Variants in ADGRA3 observed in about 807,000 individuals in gnomAD.
ADGRA3 encodes the protein adhesion G protein-coupled receptor A3, also known as G-protein coupled receptor 125.
Under a neutral mutation model 119.8 loss-of-function variants are expected in ADGRA3, and 56 were observed. The observed-to-expected ratio is 0.47, with a 90% confidence interval of 0.38 to 0.58. The LOEUF is 0.58. Ranked by LOEUF, ADGRA3 falls within the 20% of genes least tolerant of loss-of-function variation. The pLI is 0.00. For synonymous variants in ADGRA3, 607 were observed against 623.8 expected (o/e 0.97, Z 0.40); for missense variants, 1,516 against 1,649.0 (o/e 0.92, Z 1.40).
In ADGRA3 at chr4:22,494,971, G is replaced by C. The variant is rs551758666; in HGVS notation, c.257+20557C>G. On this transcript the variant is annotated intron_variant, in intron 1 of 18. Transcript: ENST00000334304. Reference sequence around the variant, plus strand: ...CCTGTATATGCATACCTATAATAAAGTTTAACGTATAAATCAGGTACAGTA... The same window carrying C: ...CCTGTATATGCATACCTATAATAAACTTTAACGTATAAATCAGGTACAGTA... 3.3e-5 allele frequency among the ~76,000 whole-genome samples: 5 copies of C among 151,942 alleles called. No homozygotes were observed. In the South Asian group the frequency reaches 1.0e-3, roughly 32 times the overall value.
At chr4:22,500,739 G>C (rs1438878199) in intron 1 of ADGRA3, among the ~76,000 whole-genome samples, 1 of 152,150 alleles carries the variant, frequency 6.6e-6, no homozygotes, top group Non-Finnish European at 1.5e-5. Flanking sequence ...CATTATTTCA[G>C]GGTGTGTCTA....
At chr4:22,453,001 A>G (rs534069292) in intron 4 of ADGRA3, among the ~76,000 whole-genome samples, 1 of 151,796 alleles carries the variant, frequency 6.6e-6, no homozygotes, top group Non-Finnish European at 1.5e-5. Context: ...GTCTAAGACC[A>G]GCCTGGCCAA....
chr4:22,461,340 T>C (rs1453712330), intron 3 of ADGRA3, among the ~76,000 whole-genome samples: 6 of 152,160 alleles, frequency 3.9e-5, no homozygotes, highest in African/African-American at 1.4e-4. Flanking sequence ...TGAGACAGAG[T>C]CTCGCTCTGT....
rs1210975307 is a variant in ADGRA3, at chr4:22,392,671, T to C, written c.2501A>G (p.Tyr834Cys). The C allele has an allele frequency of 6.2e-7, 1 of 1,613,146 alleles. No individual in the cohort carries two copies. Among genetic ancestry groups the C allele is most frequent in the Admixed American group, 1.7e-5 (1 of 59,878 alleles). ...CCATAGTACTGTGGCAAGGGTGGAATAGTGAAGAATTATCCCAACCTACAA... is the reference window on the plus strand; with the variant it reads ...CCATAGTACTGTGGCAAGGGTGGAACAGTGAAGAATTATCCCAACCTACAA... The part of the protein sequence containing the change: ...ICQAVGIILH[Y>C]STLATVLWVG... Residue 834 changes from tyrosine (Y) to cysteine (C), a missense_variant, in exon 17 of 19, where the codon TAT becomes TGT. Physicochemically the swap from Tyr to Cys is radical, Grantham distance 194. Transcript: ENST00000334304.
intron 3 of ADGRA3, among the ~76,000 whole-genome samples, chr4:22,455,354 G>A (rs1407760294): frequency 6.6e-6 from 1 of 151,918 alleles, no homozygotes; most frequent in Non-Finnish European, 1.5e-5. Context: ...TGGATAAAAG[G>A]GCAAAATATT....
At chr4:22,440,265 T>A (rs1716559783) in intron 7 of ADGRA3, among the ~76,000 whole-genome samples, 1 of 152,136 alleles carries the variant, frequency 6.6e-6, no homozygotes. Flanking sequence ...ACTTTTAATA[T>A]CTAAAACCAA....
chr4:22,514,154 T>C (rs1042071669), intron 1 of ADGRA3, among the ~76,000 whole-genome samples: 14 of 152,178 alleles, frequency 9.2e-5, no homozygotes, highest in Admixed American at 8.5e-4. Flanking sequence ...TGATGACTAA[T>C]TTTTGCAGAG....
At chr4:22,497,759 C>CAAAAAAA (rs67569148) in intron 1 of ADGRA3, among the ~76,000 whole-genome samples, 21 of 71,374 alleles carry the variant, frequency 2.9e-4, no homozygotes, top group African/African-American at 1.1e-3. Context: ...ATTGCTGTCT[C>CAAAAAAA]AAAAAAAAAA....
chr4:22,493,845 G>T (rs540011404), intron 1 of ADGRA3, among the ~76,000 whole-genome samples: 1 of 152,034 alleles, frequency 6.6e-6, no homozygotes, highest in Non-Finnish European at 1.5e-5. Context: ...AAAAAACCTC[G>T]CTAATAAAAC....
rs776927516 is a variant in ADGRA3, at chr4:22,388,963, G to A, written c.2724-16C>T. The A allele has an allele frequency of 1.9e-6, 3 of 1,611,406 alleles. No homozygotes were observed. The highest frequency in any genetic ancestry group is 2.5e-6 in the Non-Finnish European group (3 of 1,178,494). ...CATCCAGCAACTGGAAAAGAAAATGGTAAACCAGATCGATGCTACATGTTT... is the reference window on the plus strand; with the variant it reads ...CATCCAGCAACTGGAAAAGAAAATGATAAACCAGATCGATGCTACATGTTT... On this transcript the variant is annotated splice_polypyrimidine_tract_variant and intron_variant, in intron 18 of 18. Transcript: ENST00000334304.
chr4:22,398,126 G>A (rs1714444647), intron 16 of ADGRA3: 2 of 985,150 alleles, frequency 2.0e-6, no homozygotes, highest in Non-Finnish European at 2.4e-6. Flanking sequence ...GTTTACAGAT[G>A]TGTAGTAACA....
chr4:22,390,357 T>A (rs1714071223), intron 17 of ADGRA3, among the ~76,000 whole-genome samples: 2 of 90,174 alleles, frequency 2.2e-5, no homozygotes, highest in African/African-American at 6.9e-5. Context: ...ATTATATATA[T>A]ATAATACGTA....
chr4:22,473,137 T>C (rs1717913588), intron 2 of ADGRA3: 1 of 152,206 alleles, frequency 6.6e-6, no homozygotes, highest in Non-Finnish European at 1.5e-5. Flanking sequence ...GTTTTCGCCA[T>C]GTGACATGCA....
intron 7 of ADGRA3, among the ~76,000 whole-genome samples, chr4:22,439,053 G>A (rs1013800938): frequency 4.6e-5 from 7 of 152,108 alleles, no homozygotes; most frequent in South Asian, 2.1e-4. Context: ...AAACATCGTC[G>A]TACATTCTTT....
chr4:22,401,278 T>A (rs192475095), intron 16 of ADGRA3, among the ~76,000 whole-genome samples, 153 bp downstream of exon 16: 80 of 152,254 alleles, frequency 5.3e-4, no homozygotes, highest in Non-Finnish European at 1.0e-3. Context: ...AAACAGGAAG[T>A]AAACTGGCAG....
intron 1 of ADGRA3, among the ~76,000 whole-genome samples, chr4:22,512,182 T>G (rs926531445): frequency 5.3e-5 from 8 of 152,020 alleles, no homozygotes; most frequent in Non-Finnish European, 1.2e-4. Context: ...ATTACAGGTG[T>G]GAGCCACTGC....
chr4:22,475,266 G>A (rs972865507), intron 1 of ADGRA3, among the ~76,000 whole-genome samples: 1 of 152,132 alleles, frequency 6.6e-6, no homozygotes, highest in Non-Finnish European at 1.5e-5. Context: ...GAAAAACCAT[G>A]ACATACTCAA....
rs566832002 is a variant in ADGRA3 at position 22,424,408 on chromosome 4, C to T, written c.1444-56G>A. 207 of 1,556,824 alleles carry T rather than the reference C, an allele frequency of 1.3e-4. 1 individual carries two copies. The South Asian group carries it at 1.8e-3, about 13-fold the overall frequency. On this transcript the variant is annotated intron_variant, in intron 10 of 18. Coordinates refer to ENST00000334304, the MANE Select transcript of ADGRA3 (RefSeq NM_145290.4). ...TCTTTAAAACCACCATAAACTATTT[C>T]GTAGAATCAAAATCCTAATGGACAG...
intron 10 of ADGRA3, among the ~76,000 whole-genome samples, chr4:22,432,634 A>G (rs1716233092): frequency 6.6e-6 from 1 of 152,212 alleles, no homozygotes; most frequent in African/African-American, 2.4e-5. Flanking sequence ...CCCATCTTAT[A>G]AAATATGCAT....
Sources: allele counts gnomAD v4.1 joint callset (sites outside exome capture counted in the v4.1 genomes callset), GRCh38; gene constraint gnomAD v4.1.1; transcripts MANE v1.5; gene names NCBI Gene and HGNC (gene_info 2026-07-23, HGNC 2026-07-21).